Variants in NKAIN2 observed in about 807,000 individuals in gnomAD.
NKAIN2 encodes the protein sodium/potassium transporting ATPase interacting 2.
NKAIN2 carries 14 observed loss-of-function variants against 32.6 expected under a neutral mutation model. The observed-to-expected ratio is 0.43, with a 90% CI of 0.28 to 0.67. The LOEUF (loss-of-function observed/expected upper bound fraction) is 0.67, where lower values mean the gene tolerates loss of function less well. Among genes scored for constraint, NKAIN2 ranks in the 30% least tolerant of loss-of-function variants. NKAIN2 has a pLI of 0.17. For missense variants in NKAIN2, 198 were observed against 258.3 expected (o/e 0.77, Z 1.60); for synonymous variants, 80 against 87.2 (o/e 0.92, Z 0.46).
chr6:124,691,318 A>T (rs1393158082), intron 4 of NKAIN2, among the ~76,000 whole-genome samples: 5 of 152,132 alleles, frequency 3.3e-5, no homozygotes, highest in Non-Finnish European at 7.3e-5. Flanking sequence ...CCTAATTTCC[A>T]TTTAACCTCA....
intron 1 of NKAIN2, among the ~76,000 whole-genome samples, chr6:124,071,536 A>G (rs551545354): frequency 5.3e-5 from 8 of 152,160 alleles, no homozygotes; most frequent in Non-Finnish European, 1.0e-4. Context: ...GAGTAAACAG[A>G]CAGCCTACAG....
intron 1 of NKAIN2, among the ~76,000 whole-genome samples, chr6:124,061,762 C>G (rs1012030836): frequency 6.6e-6 from 1 of 151,870 alleles, no homozygotes; most frequent in Non-Finnish European, 1.5e-5. Flanking sequence ...ATGAAAATCT[C>G]AGAAGTGAGT....
intron 4 of NKAIN2, among the ~76,000 whole-genome samples, chr6:124,694,377 A>G (rs557979089): frequency 6.6e-5 from 10 of 152,282 alleles, no homozygotes; most frequent in African/African-American, 2.4e-4. Flanking sequence ...AACCCTTTCA[A>G]CTTTGCATAA....
In NKAIN2 at chr6:124,658,283, C is replaced by T. The variant is rs1209288973; in HGVS notation, c.371C>T (p.Pro124Leu). 6.2e-7 allele frequency: 1 copy of T among 1,613,998 alleles called. No individual in the cohort carries two copies. The highest frequency in any genetic ancestry group is 8.5e-7 in the Non-Finnish European group (1 of 1,180,006). ...ACGGTGACGTCAGTGACACCTGCCC[C>T]AGACTGGGCCCCAGAAGACCATCGC... ...GCTVTSVTPAPDWAPEDHRYI... is the reference protein window; with the variant it reads ...GCTVTSVTPALDWAPEDHRYI... Residue 124 changes from proline (P) to leucine (L), a missense_variant, in exon 4 of 7, where the codon CCA (proline) becomes CTA (leucine). Physicochemically the swap from Pro to Leu is moderately conservative, Grantham distance 98. Coordinates refer to ENST00000368417, the MANE Select transcript of NKAIN2 (RefSeq NM_001040214.3).
intron 1 of NKAIN2, among the ~76,000 whole-genome samples, chr6:124,083,501 A>T (rs1180153391): frequency 6.6e-6 from 1 of 151,744 alleles, no homozygotes; most frequent in Non-Finnish European, 1.5e-5. Context: ...AAATTTTTCT[A>T]ATTTTTTATA....
At chr6:124,249,455 A>G (rs954737168) in intron 1 of NKAIN2, among the ~76,000 whole-genome samples, 1 of 152,122 alleles carries the variant, frequency 6.6e-6, no homozygotes, top group Non-Finnish European at 1.5e-5. Flanking sequence ...CAAATGTTTT[A>G]TACATGTCAA....
intron 3 of NKAIN2, among the ~76,000 whole-genome samples, chr6:124,395,670 C>T (rs561094720): frequency 1.5e-4 from 23 of 152,218 alleles, no homozygotes; most frequent in Middle Eastern, 6.8e-3. Flanking sequence ...AGATCATTAT[C>T]CCCATTTCAC....
chr6:123,975,756 G>T (rs1184802305), intron 1 of NKAIN2, among the ~76,000 whole-genome samples: 3 of 151,928 alleles, frequency 2.0e-5, no homozygotes, highest in Non-Finnish European at 4.4e-5. Flanking sequence ...ATTCATGAGG[G>T]CTCCACACTC....
intron 1 of NKAIN2, among the ~76,000 whole-genome samples, chr6:124,097,715 G>C (rs1196469032): frequency 6.6e-6 from 1 of 152,146 alleles, no homozygotes; most frequent in African/African-American, 2.4e-5. Context: ...CTAAACCTGG[G>C]AATGTTGACG....
At chr6:123,974,890 C>A (rs1328108185) in intron 1 of NKAIN2, among the ~76,000 whole-genome samples, 1 of 152,142 alleles carries the variant, frequency 6.6e-6, no homozygotes, top group East Asian at 1.9e-4. Flanking sequence ...GTGCGTCCTG[C>A]AGTAGGTGAG....
chr6:124,707,875 G>A (rs1298730296), intron 4 of NKAIN2, among the ~76,000 whole-genome samples: 1 of 152,154 alleles, frequency 6.6e-6, no homozygotes, highest in East Asian at 1.9e-4. Context: ...TTTGTCTTTT[G>A]TTGCTATTGC....
At chr6:124,203,513 C>T (rs1362682926) in intron 1 of NKAIN2, among the ~76,000 whole-genome samples, 2 of 151,586 alleles carry the variant, frequency 1.3e-5, no homozygotes, top group Non-Finnish European at 3.0e-5. Context: ...AAATTTTTTT[C>T]CAGAGAATTT....
In NKAIN2 at chr6:124,347,939, C is replaced by T. The variant is rs547967206; in HGVS notation, c.193-7328C>T. Among the ~76,000 whole-genome samples the T allele has an allele frequency of 2.0e-5, 3 of 152,284 alleles. No individual in the cohort carries two copies. The East Asian group carries it at 5.8e-4, about 29-fold the overall frequency. ...CTTTTTAGAGTTTCCAGTTTTTCTG[C>T]TCTGTTTTTTCACCATCTTTGTGGT... On this transcript the variant is annotated intron_variant, in intron 2 of 6. Transcript: ENST00000368417.
At chr6:124,736,339 A>C (rs533836984) in intron 4 of NKAIN2, among the ~76,000 whole-genome samples, 1 of 152,114 alleles carries the variant, frequency 6.6e-6, no homozygotes, top group South Asian at 2.1e-4. Context: ...TGTAAAATGA[A>C]GCAGCAAGTG....
chr6:123,923,820 T>A (rs552247487), intron 1 of NKAIN2, among the ~76,000 whole-genome samples: 1 of 144,048 alleles, frequency 6.9e-6, no homozygotes, highest in Non-Finnish European at 1.5e-5. Flanking sequence ...AGGGATAGCA[T>A]TGGGAGATAT....
At chr6:124,284,290 A>T (rs1437909269) in intron 2 of NKAIN2, among the ~76,000 whole-genome samples, 2 of 152,184 alleles carry the variant, frequency 1.3e-5, no homozygotes, top group South Asian at 4.1e-4. Flanking sequence ...GATACAGTGT[A>T]GGGCGGGTTG....
At position 123,864,531 on chromosome 6, in the gene NKAIN2, T is replaced by G. The variant is rs558952952; in HGVS notation, c.54+60277T>G. ...ACAAATATATAACATGGCAAGAGGA[T>G]AGTTAGAGATGTGGATGTGGGAAGG... On this transcript the variant is annotated intron_variant, in intron 1 of 6. Transcript: ENST00000368417. 1.6e-4 allele frequency among the ~76,000 whole-genome samples: 24 copies of G among 152,208 alleles called. No homozygotes were observed. In the East Asian group the frequency reaches 4.4e-3, roughly 28 times the overall value.
intron 3 of NKAIN2, among the ~76,000 whole-genome samples, chr6:124,505,219 G>T (rs1465639002): frequency 6.6e-6 from 1 of 152,204 alleles, no homozygotes; most frequent in Admixed American, 6.5e-5. Flanking sequence ...GTGTGAGATG[G>T]AACAAATGCT....
At chr6:124,508,741 C>G (rs1252876474) in intron 3 of NKAIN2, among the ~76,000 whole-genome samples, 1 of 152,142 alleles carries the variant, frequency 6.6e-6, no homozygotes, top group Non-Finnish European at 1.5e-5. Context: ...GCAGTGAAAT[C>G]AAGGTGTTGG....
Sources: allele counts gnomAD v4.1 joint callset (sites outside exome capture counted in the v4.1 genomes callset), GRCh38; gene constraint gnomAD v4.1.1; transcripts MANE v1.5; gene names NCBI Gene and HGNC (gene_info 2026-07-23, HGNC 2026-07-21).